RHD: variants seen among roughly 807,000 people sequenced by gnomAD.
RHD encodes Rh blood group D antigen, also known as blood group Rh(D) polypeptide.
Under a neutral mutation model 45.5 loss-of-function variants are expected in RHD, and 16 were observed. That is an observed-to-expected ratio of 0.35 (90% CI 0.24 to 0.53). The LOEUF (loss-of-function observed/expected upper bound fraction) is 0.53, where lower values mean the gene tolerates loss of function less well. Ranked by LOEUF, RHD falls within the 20% of genes least tolerant of loss-of-function variation. The pLI is 0.92. For synonymous variants in RHD, 131 were observed against 217.5 expected (o/e 0.60, Z 3.50); for missense variants, 306 against 532.0 (o/e 0.58, Z 4.18).
In RHD at chr1:25,315,581, C is replaced by A. The variant is rs1173123175; in HGVS notation, c.1074-1419C>A. ...GCGTGATCTCAGCTCACTGCAAACT[C>A]CACCTCCCAGGTTCACGCCGTTCTC... On this transcript the variant is annotated intron_variant, in intron 7 of 9. Coordinates refer to ENST00000328664, the MANE Select transcript of RHD (RefSeq NM_016124.6). Among the ~76,000 whole-genome samples the A allele has an allele frequency of 3.2e-5, 4 of 124,362 alleles. 1 individual carries two copies. The highest frequency in any genetic ancestry group is 5.7e-5 in the Non-Finnish European group (3 of 52,988). The allele number at this position is 124,362 out of a possible 152,430, so 81.6% of individuals were successfully genotyped here. A position where few individuals can be genotyped will look rare whatever the true frequency, so the allele number is the denominator to read the frequency against.
intron 7 of RHD, chr1:25,307,963 C>T (rs1330492337): frequency 1.4e-6 from 1 of 719,718 alleles, no homozygotes; most frequent in African/African-American, 1.8e-5. Context: ...CTGAGAGTTC[C>T]CCTCTGAAAG....
intron 1 of RHD, among the ~76,000 whole-genome samples, chr1:25,280,647 C>T (rs1413116971): frequency 3.5e-5 from 4 of 113,474 alleles, no homozygotes; most frequent in African/African-American, 1.2e-4. Context: ...CTCCCTCTGT[C>T]ACCCAGGCTG....
chr1:25,295,338 CTTGTTCAA>C lies in RHD; in HGVS notation c.486+4550_486+4557del, dbSNP rs1233986957. On this transcript the variant is annotated intron_variant, in intron 3 of 9. Coordinates refer to ENST00000328664, the MANE Select transcript of RHD (RefSeq NM_016124.6). The stretch of plus-strand genomic sequence containing the variant: ...TGAGGATTGAACAAGTGACCGAACA[CTTGTTCAA>C]TTTTGAACACTGTTCTAAAGCATTT... 1.8e-5 allele frequency among the ~76,000 whole-genome samples: 2 copies of C among 111,048 alleles called. 1 individual carries two copies. The highest frequency in any genetic ancestry group is 4.3e-5 in the Non-Finnish European group (2 of 46,732). 72.9% of individuals were successfully genotyped at this position (111,048 alleles called of 152,430 possible).
At position 25,278,788 on chromosome 1, in the gene RHD, C is replaced by T. The variant is rs1641230046; in HGVS notation, c.149-5785C>T. Among the ~76,000 whole-genome samples, 2 of 130,784 alleles carry T rather than the reference C, an allele frequency of 1.5e-5. 1 individual carries two copies. The highest frequency in any genetic ancestry group is 3.6e-5 in the Non-Finnish European group (2 of 55,278). 85.8% of individuals were successfully genotyped at this position (130,784 alleles called of 152,430 possible). A position where few individuals can be genotyped will look rare whatever the true frequency, so the allele number is the denominator to read the frequency against. On this transcript the variant is annotated intron_variant, in intron 1 of 9. Transcript: ENST00000328664. Reference sequence around the variant, plus strand: ...ATGTAAACACTCCAAACCCTGGCACCTTCCACACTGCAGCTTTGGTCTGCC... The same window carrying T: ...ATGTAAACACTCCAAACCCTGGCACTTTCCACACTGCAGCTTTGGTCTGCC...
At position 25,286,248 on chromosome 1, in the gene RHD, G is replaced by C. The variant is rs1260440006; in HGVS notation, c.335+1489G>C. ...TCACACCTGTAATCCCAGTACTTTT[G>C]GGAACCGAGGTGGGCAGATCACTTG... On this transcript the variant is annotated intron_variant, in intron 2 of 9. Coordinates refer to ENST00000328664, the MANE Select transcript of RHD (RefSeq NM_016124.6). Among the ~76,000 whole-genome samples, 4 of 135,304 alleles carry C rather than the reference G, an allele frequency of 3.0e-5. No homozygotes were observed. In the East Asian group the frequency reaches 7.7e-4, roughly 26 times the overall value. The allele number at this position is 135,304 out of a possible 152,430, so 88.8% of individuals were successfully genotyped here. A position where few individuals can be genotyped will look rare whatever the true frequency, so the allele number is the denominator to read the frequency against.
chr1:25,308,695 A>G (rs1643977989), intron 7 of RHD, among the ~76,000 whole-genome samples: 1 of 129,144 alleles, frequency 7.7e-6, no homozygotes, highest in East Asian at 2.0e-4. Context: ...CTGCAAGTCA[A>G]CTCTCATCAG....
chr1:25,287,289 C>T (rs1642110131), intron 2 of RHD, among the ~76,000 whole-genome samples: 1 of 133,304 alleles, frequency 7.5e-6, no homozygotes, highest in Non-Finnish European at 1.8e-5. Context: ...CAGCCTCCTG[C>T]CCCACAGTCT....
Position 25,329,267 on chromosome 1 carries a change from T to G in RHD, c.*343T>G. On this transcript the variant is annotated 3_prime_UTR_variant, in exon 10 of 10. Coordinates refer to ENST00000328664, the MANE Select transcript of RHD (RefSeq NM_016124.6). ...TTTTTTTTTTTTTTTTTTTTTGAGA[T>G]GTAGTCTTACTCTGTCACCCAGGCT... The G allele has an allele frequency of 2.1e-6, 1 of 477,712 alleles. No individual in the cohort carries two copies. The highest frequency in any genetic ancestry group is 2.3e-5 in the African/African-American group (1 of 42,564). 29.6% of individuals were successfully genotyped at this position (477,712 alleles called of 1,614,324 possible).
chr1:25,315,657 C>A (rs1424246343), intron 7 of RHD, among the ~76,000 whole-genome samples: 1 of 127,158 alleles, frequency 7.9e-6, no homozygotes, highest in Non-Finnish European at 1.8e-5. Flanking sequence ...CCACCACTCC[C>A]GGCTAATGTT....
At position 25,276,532 on chromosome 1, in the gene RHD, T is replaced by TAAAAAAAAAAAAAAAAAAAA. The variant is rs557746335; in HGVS notation, c.148+3841_148+3860dup. 3.1e-4 allele frequency among the ~76,000 whole-genome samples: 20 copies of TAAAAAAAAAAAAAAAAAAAA among 64,784 alleles called. 1 individual carries two copies. Among genetic ancestry groups the TAAAAAAAAAAAAAAAAAAAA allele is most frequent in the African/African-American group, 1.1e-3 (15 of 13,864 alleles). 42.5% of individuals were successfully genotyped at this position (64,784 alleles called of 152,430 possible). A position where few individuals can be genotyped will look rare whatever the true frequency, so the allele number is the denominator to read the frequency against. ...ACATAGGGAGACCCCCCCCCATCTC[T>TAAAAAAAAAAAAAAAAAAAA]AAAAAAAAAAAAAAAAAAAAAAACT... On this transcript the variant is annotated intron_variant, in intron 1 of 9. Coordinates refer to ENST00000328664, the MANE Select transcript of RHD (RefSeq NM_016124.6).
chr1:25,300,841 A>G lies in RHD; in HGVS notation c.487-105A>G, dbSNP rs2986168. 6.0e-4 allele frequency: 727 copies of G among 1,221,834 alleles called. 138 individuals are homozygous for G. The African/African-American group carries it at 6.8e-3, about 11-fold the overall frequency. 75.7% of individuals were successfully genotyped at this position (1,221,834 alleles called of 1,614,324 possible). On this transcript the variant is annotated intron_variant, in intron 3 of 9. Coordinates refer to ENST00000328664, the MANE Select transcript of RHD (RefSeq NM_016124.6). The stretch of plus-strand genomic sequence containing the variant: ...TCTGAACACCAGTCTCATGGCTTCA[A>G]GTCACACCTCCTAAGTGAAGCTCTG...
At chr1:25,295,489 C>T (rs190056379) in intron 3 of RHD, among the ~76,000 whole-genome samples, 7,302 of 76,864 alleles carry the variant, frequency 0.095, 962 homozygotes, top group Middle Eastern at 0.11. Flanking sequence ...GGAAGTGAGC[C>T]GGACAGATAG....
intron 7 of RHD, among the ~76,000 whole-genome samples, chr1:25,311,632 A>G: frequency 7.7e-6 from 1 of 129,934 alleles, no homozygotes; most frequent in East Asian, 2.0e-4. Flanking sequence ...AGAGATCTTC[A>G]AGACTGCCCC....
Position 25,277,897 on chromosome 1 carries a change from C to T in RHD, c.148+5202C>T, listed in dbSNP as rs534461705. 4.5e-5 allele frequency among the ~76,000 whole-genome samples: 6 copies of T among 132,954 alleles called. 1 individual carries two copies. Among genetic ancestry groups the T allele is most frequent in the Non-Finnish European group, 1.1e-4 (6 of 56,008 alleles). The allele number at this position is 132,954 out of a possible 152,430, so 87.2% of individuals were successfully genotyped here. ...CCATGTTGGTGAGGCTGGTCTCGAA[C>T]TCCCAACCTCAGGTGATGCACCCGC... is the stretch of plus-strand genomic sequence containing the variant. On this transcript the variant is annotated intron_variant, in intron 1 of 9. Transcript: ENST00000328664.
chr1:25,301,790 T>A, intron 5 of RHD, 104 bp downstream of exon 5: 2 of 880,282 alleles, frequency 2.3e-6, no homozygotes, highest in Non-Finnish European at 3.7e-6. Context: ...GGAGAGGGCA[T>A]GCCGGGTGGT....
intron 7 of RHD, among the ~76,000 whole-genome samples, chr1:25,308,906 T>C (rs1643991359): frequency 7.6e-6 from 1 of 131,778 alleles, no homozygotes; most frequent in South Asian, 2.3e-4. Context: ...CTCAGTTTTC[T>C]ATCTGTAAAA....
chr1:25,291,638 A>C (rs35011018), intron 3 of RHD, among the ~76,000 whole-genome samples: 1 of 132,416 alleles, frequency 7.6e-6, no homozygotes, highest in East Asian at 1.9e-4. Context: ...AATTATGGTT[A>C]TATAAAAGTA....
At position 25,316,425 on chromosome 1, in the gene RHD, C is replaced by G. The variant is rs373755086; in HGVS notation, c.1074-575C>G. Among the ~76,000 whole-genome samples, 313 of 126,732 alleles carry G rather than the reference C, an allele frequency of 2.5e-3. 28 individuals carry two copies. Among genetic ancestry groups the G allele is most frequent in the African/African-American group, 5.6e-3 (201 of 36,154 alleles). 83.1% of individuals were successfully genotyped at this position (126,732 alleles called of 152,430 possible). ...ACTTGAGGTCAGGAGTTCGAGATCA[C>G]CCTGGTCAACATGGTGAAACCCCGT... On this transcript the variant is annotated intron_variant, in intron 7 of 9. Coordinates refer to ENST00000328664, the MANE Select transcript of RHD (RefSeq NM_016124.6).
At chr1:25,293,192 G>A (rs1642659625) in intron 3 of RHD, among the ~76,000 whole-genome samples, 1 of 130,768 alleles carries the variant, frequency 7.6e-6, no homozygotes, top group African/African-American at 2.6e-5. Flanking sequence ...AAGGGGAACA[G>A]AGAAATGGAG....
Sources: gnomAD v4.1 joint callset for allele counts (sites outside exome capture counted in the v4.1 genomes callset) on GRCh38, gnomAD v4.1.1 for gene constraint, MANE v1.5 for transcripts, NCBI Gene and HGNC (gene_info 2026-07-23, HGNC 2026-07-21) for gene names.